The following DNAH12 variants were observed in gnomAD, a reference collection of about 807,000 sequenced individuals.
The protein encoded by DNAH12 is dynein axonemal heavy chain 12.
DNAH12 carries 285 observed loss-of-function variants against 371.5 expected under a neutral mutation model. That is an observed-to-expected ratio of 0.77 (90% CI 0.70 to 0.85). The LOEUF (loss-of-function observed/expected upper bound fraction) is 0.85, where lower values mean the gene tolerates loss of function less well. Ranked by LOEUF, DNAH12 falls within the 40% of genes least tolerant of loss-of-function variation. DNAH12 has a pLI of 0.00. For missense variants in DNAH12, 3,611 were observed against 3,689.4 expected (o/e 0.98, Z 0.55); for synonymous variants, 1,200 against 1,213.0 (o/e 0.99, Z 0.22).
chr3:57,444,631 G>A (rs2065417929), intron 29 of DNAH12, 66 bp downstream of exon 29: 1 of 1,526,492 alleles, frequency 6.6e-7, no homozygotes, highest in Admixed American at 2.1e-5. Context: ...AATAAATCTT[G>A]GTAAACAATT....
intron 55 of DNAH12, among the ~76,000 whole-genome samples, chr3:57,369,001 G>A (rs2063109900): frequency 6.6e-6 from 1 of 151,890 alleles, no homozygotes; most frequent in Non-Finnish European, 1.5e-5. Context: ...GATGTCAGGA[G>A]TTCAAGACCA....
At chr3:57,541,671 T>A (rs568418195) in intron 2 of DNAH12, among the ~76,000 whole-genome samples, 2 of 151,948 alleles carry the variant, frequency 1.3e-5, no homozygotes, top group South Asian at 4.2e-4. Context: ...TTTTTCTGTC[T>A]AAGTCTTGAA....
intron 30 of DNAH12, among the ~76,000 whole-genome samples, chr3:57,434,363 A>G (rs1394242028): frequency 6.6e-6 from 1 of 152,172 alleles, no homozygotes; most frequent in Non-Finnish European, 1.5e-5. Flanking sequence ...TTTTCCCTCT[A>G]GCATGGCCGT....
intron 32 of DNAH12, among the ~76,000 whole-genome samples, 177 bp from the exon 33 acceptor site, chr3:57,429,951 AATACTTAAC>A (rs1359469221): frequency 6.6e-6 from 1 of 152,202 alleles, no homozygotes; most frequent in Non-Finnish European, 1.5e-5. Flanking sequence ...TATTTAAGCA[AATACTTAAC>A]ATCTCCGAGT....
chr3:57,361,003 G>A (rs1436535570), intron 58 of DNAH12, among the ~76,000 whole-genome samples: 7 of 151,970 alleles, frequency 4.6e-5, no homozygotes, highest in Admixed American at 6.6e-5. Context: ...GCTTGCTAAC[G>A]CCTTTTCTGC....
intron 2 of DNAH12, among the ~76,000 whole-genome samples, chr3:57,539,539 T>C (rs529347840): frequency 7.9e-5 from 12 of 152,168 alleles, no homozygotes; most frequent in Non-Finnish European, 1.6e-4. Flanking sequence ...CCTTACATAT[T>C]ACCTCCACAG....
intron 33 of DNAH12, among the ~76,000 whole-genome samples, chr3:57,429,217 C>T (rs549837737): frequency 3.7e-4 from 56 of 152,018 alleles, no homozygotes; most frequent in African/African-American, 1.2e-3. Flanking sequence ...ACTCTTGTTG[C>T]CCAGGCTGGA....
At chr3:57,449,490 G>A (rs754537809) in intron 25 of DNAH12, among the ~76,000 whole-genome samples, 56 of 152,304 alleles carry the variant, frequency 3.7e-4, no homozygotes, top group African/African-American at 6.5e-4. Flanking sequence ...AGCCATGCCC[G>A]GCGGGAAGGC....
chr3:57,514,663 G>A (rs2068123642), intron 4 of DNAH12, among the ~76,000 whole-genome samples: 1 of 152,074 alleles, frequency 6.6e-6, no homozygotes, highest in African/African-American at 2.4e-5. Context: ...AAACCTTGCT[G>A]TTGTTTTACC....
At chr3:57,457,365 C>T (rs17799410) in intron 22 of DNAH12, among the ~76,000 whole-genome samples, 2 of 148,776 alleles carry the variant, frequency 1.3e-5, no homozygotes, top group Non-Finnish European at 2.9e-5. Context: ...AGGGGCTTTA[C>T]GTAGGATACC....
In DNAH12 at chr3:57,507,829, A is replaced by G; in HGVS notation, c.711T>C (p.Gly237=). 2.5e-6 allele frequency: 4 copies of G among 1,578,974 alleles called. No individual in the cohort carries two copies. The highest frequency in any genetic ancestry group is 3.4e-6 in the Non-Finnish European group (4 of 1,171,778). Residue 237 remains glycine (G), a synonymous_variant, in exon 8 of 74, where the codon GGT becomes GGC. Transcript: ENST00000495027. ...LLDFTGIRAK[G]PIDCESLKTD... Reference sequence around the variant, plus strand: ...TTTTCAGTGATTCACAGTCAATTGGACCTTTAGCTCTATTTATGAGAAAAA... The same window carrying G: ...TTTTCAGTGATTCACAGTCAATTGGGCCTTTAGCTCTATTTATGAGAAAAA...
the DNAH12 span, among the ~76,000 whole-genome samples, chr3:57,555,319 T>C: frequency 2.0e-5 from 3 of 152,160 alleles, no homozygotes; most frequent in African/African-American, 7.2e-5. Flanking sequence ...TTATCTGAAA[T>C]TGAATTTAAC....
intron 37 of DNAH12, 115 bp from the exon 38 acceptor site, chr3:57,415,679 A>T (rs2064350879): frequency 1.0e-6 from 1 of 1,000,458 alleles, no homozygotes; most frequent in East Asian, 2.9e-5. Context: ...TTCATTAAAA[A>T]CTCATTTTTA....
At chr3:57,428,512 A>G in intron 34 of DNAH12, 121 bp downstream of exon 34, 1 of 1,525,880 alleles carries the variant, frequency 6.6e-7, no homozygotes, top group Non-Finnish European at 8.8e-7. Context: ...AACGGTGGAT[A>G]GTAAATGCAT....
chr3:57,433,957 G>C (rs1266567413), intron 30 of DNAH12, 129 bp from the exon 31 acceptor site: 2 of 768,998 alleles, frequency 2.6e-6, no homozygotes, highest in African/African-American at 3.6e-5. Flanking sequence ...ATTTTTCTCA[G>C]ACATGAAGAA....
intron 17 of DNAH12, among the ~76,000 whole-genome samples, chr3:57,463,863 AT>A (rs992674539): frequency 5.9e-5 from 9 of 151,748 alleles, no homozygotes; most frequent in Admixed American, 4.6e-4. Flanking sequence ...CGCCTTCTGG[AT>A]TCAAGAGATT....
At chr3:57,481,574 G>A (rs373789964) in intron 13 of DNAH12, among the ~76,000 whole-genome samples, 8 of 152,048 alleles carry the variant, frequency 5.3e-5, no homozygotes, top group Non-Finnish European at 7.4e-5. Flanking sequence ...AAACTACTTT[G>A]AAGTTCATAT....
chr3:57,502,083 T>C (rs937670634), intron 10 of DNAH12, among the ~76,000 whole-genome samples: 6 of 151,786 alleles, frequency 4.0e-5, no homozygotes, highest in Admixed American at 3.3e-4. Context: ...ATTTTTTGTA[T>C]TTTTTAGTAG....
At chr3:57,528,570 A>G (rs1297611695) in intron 2 of DNAH12, among the ~76,000 whole-genome samples, 14 of 147,434 alleles carry the variant, frequency 9.5e-5, no homozygotes, top group African/African-American at 3.5e-4. Context: ...TACTAAAAAT[A>G]CAGAATTAGC....
Sources: allele counts gnomAD v4.1 joint callset (sites outside exome capture counted in the v4.1 genomes callset), GRCh38; gene constraint gnomAD v4.1.1; transcripts MANE v1.5; gene names NCBI Gene and HGNC (gene_info 2026-07-23, HGNC 2026-07-21).